The following DPH6 variants were observed in gnomAD, a reference collection of about 807,000 sequenced individuals.
The protein encoded by DPH6 is diphthamine biosynthesis 6.
A neutral mutation model predicts 38.2 loss-of-function variants in DPH6; 33 were observed. The ratio of observed to expected loss-of-function variants is 0.86; its 90% CI spans 0.65 to 1.15. DPH6 has a LOEUF of 1.15. Among genes scored for constraint, DPH6 ranks in the 50% most tolerant of loss-of-function variants. The probability of loss-of-function intolerance (pLI) is 0.00; values close to 1 mark genes in which losing one functional copy is unlikely to be tolerated. For missense variants in DPH6, 325 were observed against 320.0 expected, an observed-to-expected ratio of 1.02 and a Z score of -0.12; for synonymous variants, 108 against 103.0, an observed-to-expected ratio of 1.05 and a Z score of -0.30.
intron 3 of DPH6, among the ~76,000 whole-genome samples, chr15:35,250,350 AGAT>A: frequency 6.6e-6 from 1 of 152,308 alleles, no homozygotes; most frequent in East Asian, 1.9e-4. Context: ...GATATTTAAA[AGAT>A]GATTTAAAAT....
At chr15:35,150,686 T>G in the DPH6 span, among the ~76,000 whole-genome samples, 1 of 152,184 alleles carries the variant, frequency 6.6e-6, no homozygotes, top group Non-Finnish European at 1.5e-5. Context: ...TGCTACAGCC[T>G]TTACATGGGA....
intron 1 of DPH6, among the ~76,000 whole-genome samples, chr15:35,543,099 G>T (rs1467004096): frequency 1.4e-5 from 2 of 146,050 alleles, no homozygotes; most frequent in African/African-American, 2.5e-5. Flanking sequence ...TCAAATTAAA[G>T]ATTTGAGTAC....
intron 3 of DPH6, among the ~76,000 whole-genome samples, chr15:35,533,821 G>A (rs552154742): frequency 3.7e-4 from 56 of 151,970 alleles, no homozygotes; most frequent in Non-Finnish European, 7.1e-4. Flanking sequence ...AATCATGACT[G>A]ATCAGTCAGC....
At chr15:35,243,549 G>T (rs167614) in intron 3 of DPH6, among the ~76,000 whole-genome samples, 99,622 of 140,422 alleles carry the variant, frequency 0.71, 36,621 homozygotes, top group Non-Finnish European at 0.81. Context: ...CCATTGTGAT[G>T]TGTTCCTGCC....
At chr15:35,377,875 G>GTTT (rs760095339) in intron 7 of DPH6, among the ~76,000 whole-genome samples, 1 of 144,434 alleles carries the variant, frequency 6.9e-6, no homozygotes, top group Admixed American at 6.9e-5. Context: ...TATTCATATT[G>GTTT]TTTTTTTTTT....
intron 3 of DPH6, among the ~76,000 whole-genome samples, chr15:35,283,357 T>G (rs1275915973): frequency 6.6e-6 from 1 of 151,742 alleles, no homozygotes; most frequent in Non-Finnish European, 1.5e-5. Flanking sequence ...CAGGCTGGAG[T>G]GCAATTCCGG....
Position 35,250,612 on chromosome 15 carries a change from G to T in DPH6, n.201-30030C>A, listed in dbSNP as rs72707098. Among the ~76,000 whole-genome samples, 634 of 151,918 alleles carry T rather than the reference G, an allele frequency of 4.2e-3. 7 individuals carry two copies. Among genetic ancestry groups the T allele is most frequent in the African/African-American group, 8.6e-3 (357 of 41,424 alleles). On this transcript the variant is annotated intron_variant and non_coding_transcript_variant, in intron 3 of 3. Coordinates refer to the DPH6 transcript ENST00000560386. Reference sequence around the variant, plus strand: ...ATTATCAGAATAAAATCAGAGAAATGTTTTTTTCAAGTATTATATACCCAA... The same window carrying T: ...ATTATCAGAATAAAATCAGAGAAATTTTTTTTTCAAGTATTATATACCCAA...
At chr15:35,290,140 A>G (rs79563302) in intron 3 of DPH6, among the ~76,000 whole-genome samples, 4,032 of 152,354 alleles carry the variant, frequency 0.026, 173 homozygotes, top group African/African-American at 0.092. Context: ...GCCAGCATTT[A>G]CATCTGTGCC....
At chr15:35,500,867 A>C (rs2054617467) in intron 3 of DPH6, among the ~76,000 whole-genome samples, 1 of 151,974 alleles carries the variant, frequency 6.6e-6, no homozygotes, top group Non-Finnish European at 1.5e-5. Flanking sequence ...CTCCCTCCTG[A>C]GTAGCTGGGA....
At chr15:35,330,698 C>A (rs889440941), downstream of DPH6, 1 of 152,134 alleles carries the variant, frequency 6.6e-6, no homozygotes, top group Non-Finnish European at 1.5e-5. Context: ...CTTTAGAATA[C>A]GTTTCTGACA....
chr15:35,290,222 C>T (rs1323339304), intron 3 of DPH6, among the ~76,000 whole-genome samples: 1 of 152,158 alleles, frequency 6.6e-6, no homozygotes, highest in African/African-American at 2.4e-5. Flanking sequence ...GTACACAGCA[C>T]AAATCAACAT....
chr15:35,455,522 T>C (rs2053985323), intron 3 of DPH6, among the ~76,000 whole-genome samples: 1 of 152,066 alleles, frequency 6.6e-6, no homozygotes, highest in South Asian at 2.1e-4. Context: ...GATACAAAGC[T>C]AGAATGGATT....
chr15:35,245,654 G>GC (rs1180895019), intron 3 of DPH6, among the ~76,000 whole-genome samples: 2 of 152,198 alleles, frequency 1.3e-5, no homozygotes, highest in East Asian at 3.8e-4. Context: ...CATTTTCCAA[G>GC]AAGACTTATT....
At chr15:35,316,132 T>A (rs2052186617) in intron 3 of DPH6, among the ~76,000 whole-genome samples, 1 of 152,172 alleles carries the variant, frequency 6.6e-6, no homozygotes. Flanking sequence ...GATAAATCAT[T>A]AGGGTGGCTA....
At chr15:35,287,566 T>C (rs1293754904) in intron 3 of DPH6, among the ~76,000 whole-genome samples, 1 of 152,176 alleles carries the variant, frequency 6.6e-6, no homozygotes, top group East Asian at 1.9e-4. Flanking sequence ...CCCAGGGTAA[T>C]TTTAGTTTTC....
At chr15:35,476,875 T>C (rs2054270170) in intron 3 of DPH6, among the ~76,000 whole-genome samples, 1 of 151,824 alleles carries the variant, frequency 6.6e-6, no homozygotes, top group Admixed American at 6.6e-5. Context: ...CTATGAAAAA[T>C]AGGCAGTAAA....
At chr15:35,224,263 T>C (rs1021515022) in intron 3 of DPH6, among the ~76,000 whole-genome samples, 1 of 151,920 alleles carries the variant, frequency 6.6e-6, no homozygotes, top group African/African-American at 2.4e-5. Flanking sequence ...CCCACCACCA[T>C]GCCCAGCTAA....
intron 3 of DPH6, among the ~76,000 whole-genome samples, chr15:35,488,500 C>A (rs934113508): frequency 1.3e-5 from 2 of 152,130 alleles, no homozygotes; most frequent in African/African-American, 4.8e-5. Flanking sequence ...AGCAGGAGAG[C>A]GAGTGAGCAA....
chr15:35,479,725 C>A (rs2054304403), intron 3 of DPH6, among the ~76,000 whole-genome samples: 1 of 151,988 alleles, frequency 6.6e-6, no homozygotes, highest in Non-Finnish European at 1.5e-5. Context: ...TCCCTTTGAC[C>A]CCTACAGGTC....
Sources: gnomAD v4.1 joint callset for allele counts (sites outside exome capture counted in the v4.1 genomes callset) on GRCh38, gnomAD v4.1.1 for gene constraint, MANE v1.5 for transcripts, NCBI Gene and HGNC (gene_info 2026-07-23, HGNC 2026-07-21) for gene names.